The following GAP43 variants were observed in gnomAD, a reference collection of about 807,000 sequenced individuals.
The protein encoded by GAP43 is growth associated protein 43, also known as neuromodulin.
GAP43 carries 6 observed loss-of-function variants against 18.6 expected under a neutral mutation model. That is an observed-to-expected ratio of 0.32 (90% CI 0.18 to 0.64). The LOEUF (loss-of-function observed/expected upper bound fraction) is 0.64. Ranked by LOEUF, GAP43 falls within the 30% of genes least tolerant of loss-of-function variation. The pLI, the probability that GAP43 is intolerant of heterozygous loss-of-function variation, is 0.78. For missense variants in GAP43, 292 were observed against 295.5 expected (o/e 0.99, Z 0.09); for synonymous variants, 115 against 111.4 (o/e 1.03, Z -0.20).
At chr3:115,628,382 C>T (rs575902097) in intron 1 of GAP43, among the ~76,000 whole-genome samples, 52 of 152,042 alleles carry the variant, frequency 3.4e-4, no homozygotes, top group African/African-American at 1.2e-3. Flanking sequence ...ACTCTATGTC[C>T]CCATCTCTAT....
chr3:115,686,492 C>T (rs1408625074), intron 2 of GAP43, among the ~76,000 whole-genome samples: 1 of 151,976 alleles, frequency 6.6e-6, no homozygotes, highest in Non-Finnish European at 1.5e-5. Context: ...TGAGCTGTAT[C>T]TTTTTAATGC....
intron 1 of GAP43, among the ~76,000 whole-genome samples, chr3:115,670,150 C>T (rs1416310013): frequency 2.0e-5 from 2 of 101,094 alleles, no homozygotes; most frequent in African/African-American, 7.4e-5. Context: ...TCCCCCCTCC[C>T]CCGACCCCAC....
At chr3:115,707,990 T>TACACACAC (rs3086971) in intron 2 of GAP43, among the ~76,000 whole-genome samples, 5 of 146,914 alleles carry the variant, frequency 3.4e-5, no homozygotes, top group African/African-American at 1.2e-4. Flanking sequence ...TATATCGGGA[T>TACACACAC]ACACACACAC....
intron 1 of GAP43, among the ~76,000 whole-genome samples, chr3:115,673,301 A>T (rs1307800072): frequency 6.6e-6 from 1 of 152,174 alleles, no homozygotes; most frequent in East Asian, 1.9e-4. Flanking sequence ...TTCTTTGTTT[A>T]TATCATGTAG....
intron 2 of GAP43, among the ~76,000 whole-genome samples, chr3:115,711,882 T>C (rs1373124373): frequency 6.6e-6 from 1 of 152,216 alleles, no homozygotes; most frequent in Non-Finnish European, 1.5e-5. Flanking sequence ...GACTTATTCA[T>C]TGTAATAATG....
rs186254141 is a variant in GAP43, at chr3:115,656,852, G to A, written c.31-19161G>A. Among the ~76,000 whole-genome samples the A allele has an allele frequency of 1.8e-3, 278 of 152,286 alleles. 1 individual carries two copies. The highest frequency in any genetic ancestry group is 5.9e-3 in the African/African-American group (245 of 41,554). On this transcript the variant is annotated intron_variant, in intron 1 of 2. Coordinates refer to ENST00000305124, the MANE Select transcript of GAP43 (RefSeq NM_002045.4). ...CCAAAATGTAACTGAAATTCTATAT[G>A]TTTGCAATGGAAACATAGAAGAAAA...
chr3:115,683,319 G>A (rs1708988662), intron 2 of GAP43, among the ~76,000 whole-genome samples: 1 of 152,106 alleles, frequency 6.6e-6, no homozygotes, highest in Non-Finnish European at 1.5e-5. Flanking sequence ...AAGGGATGGG[G>A]TTGATAGTAG....
intron 2 of GAP43, among the ~76,000 whole-genome samples, chr3:115,694,862 G>A (rs1709164680): frequency 6.6e-6 from 1 of 152,176 alleles, no homozygotes; most frequent in Admixed American, 6.5e-5. Flanking sequence ...TCATGATTGG[G>A]TTTCCAATGG....
chr3:115,683,145 G>A (rs10934304), intron 2 of GAP43, among the ~76,000 whole-genome samples: 14,058 of 104,442 alleles, frequency 0.13, 787 homozygotes, highest in South Asian at 0.17. Flanking sequence ...GCGCGCGCGC[G>A]CGCACACACA....
intron 1 of GAP43, among the ~76,000 whole-genome samples, chr3:115,636,061 C>T (rs1198341116): frequency 6.6e-6 from 1 of 152,032 alleles, no homozygotes; most frequent in Non-Finnish European, 1.5e-5. Flanking sequence ...AGTAAAACTC[C>T]ATCTGTAAAG....
At chr3:115,687,655 G>T (rs1047276049) in intron 2 of GAP43, among the ~76,000 whole-genome samples, 3 of 152,128 alleles carry the variant, frequency 2.0e-5, no homozygotes, top group African/African-American at 7.2e-5. Context: ...CAGAGGCCAG[G>T]TTAACAAGGA....
At chr3:115,633,199 GA>G (rs1708284619) in intron 1 of GAP43, among the ~76,000 whole-genome samples, 1 of 152,022 alleles carries the variant, frequency 6.6e-6, no homozygotes, top group South Asian at 2.1e-4. Context: ...GAGAGAAAGA[GA>G]GAGATAAGAG....
chr3:115,666,433 TTG>T (rs1398774613), intron 1 of GAP43, among the ~76,000 whole-genome samples: 1 of 152,180 alleles, frequency 6.6e-6, no homozygotes, highest in Admixed American at 6.5e-5. Context: ...CCTCTGGTAT[TTG>T]TCTTATCAAC....
chr3:115,648,240 C>T (rs1456682699), intron 1 of GAP43, among the ~76,000 whole-genome samples: 1 of 152,046 alleles, frequency 6.6e-6, no homozygotes, highest in Non-Finnish European at 1.5e-5. Context: ...CTGTATACCT[C>T]AACCTTCTTT....
chr3:115,695,248 G>A (rs1709170096), intron 2 of GAP43, among the ~76,000 whole-genome samples: 1 of 152,132 alleles, frequency 6.6e-6, no homozygotes, highest in Admixed American at 6.6e-5. Context: ...AGACTAACTG[G>A]GAAATGGAAT....
chr3:115,679,465 G>A (rs115492670), intron 2 of GAP43, among the ~76,000 whole-genome samples: 313 of 152,248 alleles, frequency 2.1e-3, no homozygotes, highest in Middle Eastern at 3.4e-3. Context: ...TTGCCACGCT[G>A]CCTGCCCAGC....
chr3:115,627,179 T>C (rs772176201), intron 1 of GAP43, among the ~76,000 whole-genome samples: 2 of 147,200 alleles, frequency 1.4e-5, no homozygotes, highest in Non-Finnish European at 3.0e-5. Flanking sequence ...CAGAGAACCT[T>C]AGAAAATTCA....
At chr3:115,632,671 G>T (rs1708275005) in intron 1 of GAP43, among the ~76,000 whole-genome samples, 1 of 152,040 alleles carries the variant, frequency 6.6e-6, no homozygotes, top group South Asian at 2.1e-4. Flanking sequence ...GTTAGTCTAA[G>T]AAATCCTATT....
intron 1 of GAP43, among the ~76,000 whole-genome samples, chr3:115,668,877 T>C (rs1708771828): frequency 1.3e-5 from 2 of 152,070 alleles, no homozygotes; most frequent in South Asian, 4.2e-4. Context: ...TGTCCATCTC[T>C]ACAAAAAATA....
Sources: gnomAD v4.1 joint callset for allele counts (sites outside exome capture counted in the v4.1 genomes callset) on GRCh38, gnomAD v4.1.1 for gene constraint, MANE v1.5 for transcripts, NCBI Gene and HGNC (gene_info 2026-07-23, HGNC 2026-07-21) for gene names.